The following SATL1 variants were observed in gnomAD, a reference collection of about 807,000 sequenced individuals.
The protein encoded by SATL1 is spermidine/spermine N1-acetyl transferase like 1.
In SATL1, 47 loss-of-function variants were observed where a neutral mutation model predicts 51.8. The ratio of observed to expected loss-of-function variants is 0.91; its 90% CI spans 0.72 to 1.16. SATL1 has a LOEUF of 1.16. Ranked by LOEUF, SATL1 falls within the 50% of genes most tolerant of loss-of-function variation. The pLI is 0.00. For synonymous variants in SATL1, 176 were observed against 182.4 expected (o/e 0.97, Z 0.28); for missense variants, 520 against 526.4 (o/e 0.99, Z 0.12).
intron 2 of SATL1, among the ~76,000 whole-genome samples, chrX:85,124,331 C>G (rs945724147): frequency 1.8e-5 from 2 of 111,893 alleles, no homozygotes; most frequent in South Asian, 3.7e-4. Flanking sequence ...AAACAGTCCT[C>G]AGTTTGAATT....
intron 4 of SATL1, 148 bp downstream of exon 4, chrX:85,103,716 G>T: frequency 2.8e-6 from 1 of 359,128 alleles, no homozygotes; most frequent in Non-Finnish European, 5.0e-6. Flanking sequence ...AAATAAAATA[G>T]TGGAGCACTG....
At chrX:85,100,727 A>T (rs111540125) in intron 4 of SATL1, among the ~76,000 whole-genome samples, 16 of 111,864 alleles carry the variant, frequency 1.4e-4, no homozygotes, top group African/African-American at 5.2e-4. Context: ...ATGGAATTCC[A>T]AGGGGCCCCA....
At chrX:85,233,354 A>C (rs1363166254) in intron 1 of SATL1, among the ~76,000 whole-genome samples, 1 of 112,213 alleles carries the variant, frequency 8.9e-6, no homozygotes, top group Non-Finnish European at 1.9e-5. Flanking sequence ...GATTACAAGA[A>C]ATACTTAACT....
intron 2 of SATL1, among the ~76,000 whole-genome samples, chrX:85,146,415 A>G (rs181823497): frequency 8.9e-6 from 1 of 111,885 alleles, no homozygotes; most frequent in Non-Finnish European, 1.9e-5. Flanking sequence ...ATGAATATGG[A>G]TTGCATTCCT....
At chrX:85,182,396 C>T (rs1053761342) in intron 2 of SATL1, among the ~76,000 whole-genome samples, 15 of 111,773 alleles carry the variant, frequency 1.3e-4, no homozygotes, top group Middle Eastern at 9.4e-3. Context: ...CCAGTTACAT[C>T]CATGTTGCCA....
At chrX:85,114,553 A>C (rs1280004246) in intron 2 of SATL1, among the ~76,000 whole-genome samples, 1 of 112,207 alleles carries the variant, frequency 8.9e-6, no homozygotes, top group Non-Finnish European at 1.9e-5. Flanking sequence ...ACAAGACAAC[A>C]ATTGTCTGTG....
intron 2 of SATL1, among the ~76,000 whole-genome samples, chrX:85,138,907 A>AAAGTCCTT (rs1400598936): frequency 2.2e-4 from 25 of 111,971 alleles, no homozygotes; most frequent in African/African-American, 7.8e-4. Context: ...TTTCTGCAGC[A>AAAGTCCTT]AAGTCCTTAA....
chrX:85,124,892 A>T (rs1925584148), intron 2 of SATL1, among the ~76,000 whole-genome samples: 1 of 110,382 alleles, frequency 9.1e-6, no homozygotes, highest in South Asian at 3.9e-4. Context: ...CCCCATTTGT[A>T]CCACAGCTGA....
intron 2 of SATL1, among the ~76,000 whole-genome samples, chrX:85,167,177 A>T (rs1926859704): frequency 9.3e-6 from 1 of 107,005 alleles, no homozygotes; most frequent in Non-Finnish European, 1.9e-5. Flanking sequence ...TCTCACTTGT[A>T]AGCCGGAGCT....
rs749606091 is a variant in SATL1, at chrX:85,150,146, C to T, written c.-312-40866G>A. 4.5e-5 allele frequency among the ~76,000 whole-genome samples: 5 copies of T among 110,949 alleles called. No individual in the cohort carries two copies. In the South Asian group the frequency reaches 1.9e-3, roughly 43 times the overall value. On this transcript the variant is annotated intron_variant, in intron 2 of 7. Coordinates refer to ENST00000644105, the MANE Select transcript of SATL1 (RefSeq NM_001367857.2). ...GATAAAGGGGATATCACCACCGATC[C>T]CCCAGAAATACAAACTACCATCAGA... is the stretch of plus-strand genomic sequence containing the variant.
chrX:85,148,774 T>C (rs1926333158), intron 2 of SATL1, among the ~76,000 whole-genome samples: 1 of 111,301 alleles, frequency 9.0e-6, no homozygotes, highest in Non-Finnish European at 1.9e-5. Context: ...CTGAGTGATT[T>C]TGTCACCACC....
chrX:85,187,260 A>G (rs1204507194), intron 2 of SATL1, among the ~76,000 whole-genome samples: 5 of 111,596 alleles, frequency 4.5e-5, no homozygotes, highest in African/African-American at 9.8e-5. Context: ...CTCTCTATAT[A>G]AAAGACCATG....
At chrX:85,135,893 C>T (rs1330997212) in intron 2 of SATL1, among the ~76,000 whole-genome samples, 1 of 109,514 alleles carries the variant, frequency 9.1e-6, no homozygotes. Context: ...AGAGATAAAT[C>T]TAATGAAAAA....
intron 2 of SATL1, among the ~76,000 whole-genome samples, chrX:85,133,889 T>C (rs184749995): frequency 1.8e-5 from 2 of 112,469 alleles, no homozygotes; most frequent in Admixed American, 9.5e-5. Flanking sequence ...TCCTGTTTTA[T>C]ATAATTATCA....
intron 4 of SATL1, among the ~76,000 whole-genome samples, chrX:85,097,561 C>T (rs1924765648): frequency 9.0e-6 from 1 of 111,344 alleles, no homozygotes; most frequent in Non-Finnish European, 1.9e-5. Context: ...AGGCTAGTCT[C>T]GAACTCCTGG....
rs1233011556 is a variant in SATL1, at chrX:85,108,268, C to T, written c.701G>A (p.Ser234Asn). 1.4e-5 allele frequency: 17 copies of T among 1,211,597 alleles called. No homozygotes were observed. The South Asian group carries it at 3.0e-4, about 21-fold the overall frequency. ...SQPGIRQPDT[S>N]QSCKNQTDMS... ...GTCTGTTTGGTTCTTACATGATTGG[C>T]TAGTGTCTGGTTGCCTTATGCCTGG... Residue 234 changes from serine (S) to asparagine (N), a missense_variant, in exon 3 of 8, where the codon AGC (serine) becomes AAC (asparagine). Transcript: ENST00000644105.
At chrX:85,221,108 G>A (rs1928167546) in intron 2 of SATL1, among the ~76,000 whole-genome samples, 1 of 111,233 alleles carries the variant, frequency 9.0e-6, no homozygotes, top group Admixed American at 9.6e-5. Context: ...CTCTTCAATA[G>A]CTTCCAATTA....
intron 1 of SATL1, among the ~76,000 whole-genome samples, chrX:85,242,765 C>T (rs1052271776): frequency 9.0e-6 from 1 of 111,458 alleles, no homozygotes; most frequent in African/African-American, 3.3e-5. Flanking sequence ...GGTAATTTAC[C>T]AATCTCTTAT....
intron 4 of SATL1, among the ~76,000 whole-genome samples, chrX:85,096,249 A>G (rs1214950072): frequency 9.0e-6 from 1 of 111,311 alleles, no homozygotes; most frequent in African/African-American, 3.3e-5. Flanking sequence ...TAAAAGTTCA[A>G]TAACTGAAAT....
Sources: allele counts gnomAD v4.1 joint callset (sites outside exome capture counted in the v4.1 genomes callset), GRCh38; gene constraint gnomAD v4.1.1; transcripts MANE v1.5; gene names NCBI Gene and HGNC (gene_info 2026-07-23, HGNC 2026-07-21).